Variants in SPMIP4 observed in about 807,000 individuals in gnomAD.
SPMIP4 encodes the protein sperm microtubule inner protein 4.
the SPMIP4 span, chr7:25,142,536 T>C: frequency 1.9e-6 from 2 of 1,080,290 alleles, no homozygotes; most frequent in Non-Finnish European, 1.3e-6. Context: ...ATTTAAATAC[T>C]TTGAGAAAAA....
At chr7:25,173,481 C>G in the SPMIP4 span, among the ~76,000 whole-genome samples, 2 of 152,174 alleles carry the variant, frequency 1.3e-5, no homozygotes, top group Non-Finnish European at 2.9e-5. The surrounding 1 kb of genome is among the most constrained non-coding windows in gnomAD (Gnocchi z 4.4). Flanking sequence ...GACCGTAAAG[C>G]CTACAATATT....
At chr7:25,163,706 T>C in the SPMIP4 span, among the ~76,000 whole-genome samples, 1 of 152,196 alleles carries the variant, frequency 6.6e-6, no homozygotes, top group Admixed American at 6.5e-5. The surrounding 1 kb of genome is among the most constrained non-coding windows in gnomAD (Gnocchi z 4.4). Flanking sequence ...GGGTGACCTA[T>C]CCCTGGATGT....
the SPMIP4 span, among the ~76,000 whole-genome samples, chr7:25,137,170 C>A: frequency 6.6e-6 from 1 of 152,158 alleles, no homozygotes; most frequent in South Asian, 2.1e-4. Context: ...CTTTATTAGG[C>A]CTTAGCAAGT....
chr7:25,152,732 T>C, the SPMIP4 span, among the ~76,000 whole-genome samples: 9 of 133,460 alleles, frequency 6.7e-5, no homozygotes, highest in African/African-American at 1.4e-4. Flanking sequence ...CCTCCCTCCC[T>C]CCCTTCGTTG....
chr7:25,127,612 G>A, the SPMIP4 span, among the ~76,000 whole-genome samples: 1 of 152,034 alleles, frequency 6.6e-6, no homozygotes, highest in South Asian at 2.1e-4. Context: ...GAATTTTGTT[G>A]AGCTTCCTCA....
chr7:25,154,309 T>C, the SPMIP4 span, among the ~76,000 whole-genome samples: 4 of 152,222 alleles, frequency 2.6e-5, no homozygotes, highest in African/African-American at 4.8e-5. Context: ...TCAACAAATA[T>C]TTGTCTTTGC....
the SPMIP4 span, among the ~76,000 whole-genome samples, chr7:25,143,773 C>G: frequency 5.4e-4 from 82 of 151,946 alleles, 1 homozygote; most frequent in East Asian, 9.9e-3. Context: ...TTAAAAAATA[C>G]TTTTTGTAGA....
At chr7:25,166,862 T>C in the SPMIP4 span, among the ~76,000 whole-genome samples, 10 of 151,848 alleles carry the variant, frequency 6.6e-5, no homozygotes, top group Admixed American at 5.2e-4. Context: ...GCCACTGCAC[T>C]CCAGCCTGGT....
At chr7:25,126,687 C>CT in the SPMIP4 span, among the ~76,000 whole-genome samples, 1 of 152,140 alleles carries the variant, frequency 6.6e-6, no homozygotes, top group South Asian at 2.1e-4. Flanking sequence ...AGGTTAATCT[C>CT]TAAGTCTTTC....
the SPMIP4 span, among the ~76,000 whole-genome samples, chr7:25,166,233 CTTTT>C: frequency 1.5e-5 from 2 of 131,208 alleles, no homozygotes; most frequent in African/African-American, 5.6e-5. Context: ...TTTCCGTCTT[CTTTT>C]TTTTTTTGAG....
the SPMIP4 span, among the ~76,000 whole-genome samples, chr7:25,150,064 C>G: frequency 2.0e-5 from 3 of 152,096 alleles, no homozygotes; most frequent in Admixed American, 1.3e-4. Context: ...TGGCATGAAC[C>G]TGTTTGGGAA....
At chr7:25,151,501 G>A in the SPMIP4 span, 1 of 748,072 alleles carries the variant, frequency 1.3e-6, no homozygotes, top group Non-Finnish European at 2.2e-6. Flanking sequence ...GGGATTATGG[G>A]CATGTGCCAC....
At chr7:25,158,525 G>T in the SPMIP4 span, 1 of 1,609,592 alleles carries the variant, frequency 6.2e-7, no homozygotes, top group Non-Finnish European at 8.5e-7. Flanking sequence ...AGGCGGCTTG[G>T]GTATCCTAGA....
chr7:25,135,955 A>C, the SPMIP4 span: 1 of 1,561,430 alleles, frequency 6.4e-7, no homozygotes, highest in Non-Finnish European at 8.6e-7. Flanking sequence ...TGGGTTTTGA[A>C]GGGAAGAATG....
chr7:25,135,000 A>G, the SPMIP4 span: 1 of 876,970 alleles, frequency 1.1e-6, no homozygotes, highest in East Asian at 1.2e-4. Flanking sequence ...GGAGGTTACA[A>G]CCAAATGACA....
the SPMIP4 span, among the ~76,000 whole-genome samples, chr7:25,162,421 G>A: frequency 6.6e-6 from 1 of 151,982 alleles, no homozygotes; most frequent in Admixed American, 6.6e-5. Flanking sequence ...ATAAAGGATT[G>A]TTTCCAGAAC....
At chr7:25,178,378 G>GT in the SPMIP4 span, among the ~76,000 whole-genome samples, 7 of 152,116 alleles carry the variant, frequency 4.6e-5, no homozygotes, top group African/African-American at 1.7e-4. Context: ...TGGTAATTCT[G>GT]TTTTGAGTTC....
the SPMIP4 span, among the ~76,000 whole-genome samples, chr7:25,150,858 A>T: frequency 6.6e-6 from 1 of 152,032 alleles, no homozygotes. Context: ...GAGTGGTTAG[A>T]TGTGTAGCAA....
chr7:25,146,264 G>C, the SPMIP4 span, among the ~76,000 whole-genome samples: 1 of 152,160 alleles, frequency 6.6e-6, no homozygotes, highest in Non-Finnish European at 1.5e-5. Flanking sequence ...GAGGACGCCT[G>C]GTTGGATAAC....
Sources: allele counts gnomAD v4.1 joint callset (sites outside exome capture counted in the v4.1 genomes callset), GRCh38; gene constraint gnomAD v4.1.1; non-coding constraint Gnocchi (gnomAD v3.1); transcripts MANE v1.5; gene names NCBI Gene and HGNC (gene_info 2026-07-23, HGNC 2026-07-21).